The following DNM3 variants were observed in gnomAD, a reference collection of about 807,000 sequenced individuals.
The protein encoded by DNM3 is dynamin-3.
A neutral mutation model predicts 101.6 loss-of-function variants in DNM3; 47 were observed. The observed-to-expected ratio is 0.46, with a 90% confidence interval of 0.37 to 0.59. DNM3 has a LOEUF of 0.59. DNM3 is among the 20% of genes least tolerant of loss of function. The probability of loss-of-function intolerance (pLI) is 0.00; values close to 1 mark genes in which losing one functional copy is unlikely to be tolerated. For missense variants in DNM3, 849 were observed against 1,085.7 expected (o/e 0.78, Z 3.06); for synonymous variants, 385 against 387.9 (o/e 0.99, Z 0.09).
At chr1:171,967,969 C>T (rs2043708858) in intron 2 of DNM3, among the ~76,000 whole-genome samples, 1 of 152,078 alleles carries the variant, frequency 6.6e-6, no homozygotes, top group Non-Finnish European at 1.5e-5. Flanking sequence ...TTTTGTATGC[C>T]TTTTTCTCCT....
chr1:172,188,208 A>G (rs2059588347), intron 14 of DNM3, among the ~76,000 whole-genome samples: 1 of 152,106 alleles, frequency 6.6e-6, no homozygotes, highest in African/African-American at 2.4e-5. Context: ...TATTACTCCT[A>G]TTTCACAAGT....
At chr1:171,917,798 T>C (rs143557350) in intron 1 of DNM3, among the ~76,000 whole-genome samples, 1,783 of 152,332 alleles carry the variant, frequency 0.012, 20 homozygotes, top group Non-Finnish European at 0.02. Flanking sequence ...ATATGTAGTC[T>C]AAATCCAAAG....
chr1:171,994,287 T>C (rs566734771), intron 4 of DNM3, among the ~76,000 whole-genome samples: 3 of 152,310 alleles, frequency 2.0e-5, no homozygotes, highest in African/African-American at 7.2e-5. Flanking sequence ...GTGCTATTTA[T>C]TTGGTTACTA....
chr1:172,112,187 A>T (rs1021414022), intron 13 of DNM3, among the ~76,000 whole-genome samples: 3 of 152,258 alleles, frequency 2.0e-5, no homozygotes, highest in African/African-American at 7.2e-5. Flanking sequence ...CATTTCTTAC[A>T]TACCAGCCTT....
At chr1:172,014,439 T>C (rs2047315515) in intron 4 of DNM3, among the ~76,000 whole-genome samples, 3 of 152,202 alleles carry the variant, frequency 2.0e-5, no homozygotes, top group East Asian at 3.8e-4. Context: ...TTCCTGTTGC[T>C]CCACATCCTC....
At chr1:172,400,796 C>T (rs1330348465) in intron 20 of DNM3, among the ~76,000 whole-genome samples, 2 of 152,136 alleles carry the variant, frequency 1.3e-5, no homozygotes, top group Non-Finnish European at 2.9e-5. Context: ...AAGAATAAGA[C>T]AACCCTTGAT....
chr1:172,338,760 T>C (rs1252690304), intron 17 of DNM3: 1 of 467,942 alleles, frequency 2.1e-6, no homozygotes, highest in East Asian at 5.9e-5. Flanking sequence ...ACCATATCTC[T>C]TTGTACTTTT....
Position 172,338,967 on chromosome 1 carries a change from A to G in DNM3, c.1893+15627A>G, listed in dbSNP as rs115004908. 6.0e-3 allele frequency: 2,520 copies of G among 421,646 alleles called. 69 individuals are homozygous for G. Among genetic ancestry groups the G allele is most frequent in the African/African-American group, 0.048 (2,287 of 47,992 alleles). The allele number at this position is 421,646 out of a possible 1,614,324, so 26.1% of individuals were successfully genotyped here. On this transcript the variant is annotated intron_variant, in intron 17 of 20. Transcript: ENST00000627582. ...CATTCTTGCTTTTTAGAATTATTCT[A>G]CTAAATAATATTAACTTGTTCAAAG...
At chr1:172,330,793 A>G (rs1558005557) in intron 17 of DNM3, among the ~76,000 whole-genome samples, 1 of 152,204 alleles carries the variant, frequency 6.6e-6, no homozygotes, top group Non-Finnish European at 1.5e-5. Context: ...AATATGTACC[A>G]TAAAAGAAAT....
chr1:172,065,680 A>T (rs1203295686), intron 10 of DNM3, among the ~76,000 whole-genome samples: 1 of 152,116 alleles, frequency 6.6e-6, no homozygotes, highest in Non-Finnish European at 1.5e-5. Context: ...CAGGATTCAG[A>T]TAAGAGGGTG....
At chr1:171,883,332 G>A (rs1243014250) in intron 1 of DNM3, among the ~76,000 whole-genome samples, 1 of 150,072 alleles carries the variant, frequency 6.7e-6, no homozygotes, top group Non-Finnish European at 1.5e-5. Context: ...ACAACAGAGT[G>A]AGACTCCATC....
At chr1:172,267,416 T>C (rs2062906552) in intron 15 of DNM3, among the ~76,000 whole-genome samples, 1 of 152,132 alleles carries the variant, frequency 6.6e-6, no homozygotes, top group Non-Finnish European at 1.5e-5. Flanking sequence ...AAAATGGAAA[T>C]ACAGATTCAG....
chr1:172,010,826 AT>A (rs2047077348), intron 4 of DNM3, among the ~76,000 whole-genome samples: 1 of 150,764 alleles, frequency 6.6e-6, no homozygotes, highest in East Asian at 2.0e-4. Context: ...TTTATTTTAT[AT>A]TTTTAAGAAT....
In DNM3 at chr1:172,035,175, G is replaced by A. The variant is rs553550365; in HGVS notation, c.849+1910G>A. On this transcript the variant is annotated intron_variant, in intron 6 of 20. Coordinates refer to ENST00000627582, the MANE Select transcript of DNM3 (RefSeq NM_015569.5). The stretch of plus-strand genomic sequence containing the variant: ...ATGGGAGAGGTAGAGTCAAGGTTAC[G>A]TCTCAGGTTTCCAGATTCTTATGAA... 4.6e-5 allele frequency among the ~76,000 whole-genome samples: 7 copies of A among 152,226 alleles called. No homozygotes were observed. In the South Asian group the frequency reaches 1.0e-3, roughly 23 times the overall value.
chr1:171,952,062 C>T (rs2042562256), intron 2 of DNM3, among the ~76,000 whole-genome samples: 2 of 152,084 alleles, frequency 1.3e-5, no homozygotes, highest in African/African-American at 4.8e-5. Context: ...GAAAAATATT[C>T]TTGAATTAAG....
chr1:172,181,661 C>A (rs1422783705), intron 14 of DNM3, among the ~76,000 whole-genome samples: 3 of 152,050 alleles, frequency 2.0e-5, no homozygotes. Flanking sequence ...CAATTAATCT[C>A]ACAAATTTAT....
intron 1 of DNM3, among the ~76,000 whole-genome samples, chr1:171,897,592 AC>A (rs1373513812): frequency 2.0e-5 from 3 of 152,114 alleles, no homozygotes; most frequent in African/African-American, 7.2e-5. Context: ...TTTGTTGAAA[AC>A]CTAGATTAGT....
chr1:172,326,294 T>C (rs1469104818), intron 17 of DNM3, among the ~76,000 whole-genome samples: 1 of 152,186 alleles, frequency 6.6e-6, no homozygotes, highest in Non-Finnish European at 1.5e-5. Flanking sequence ...GAAAATGTTT[T>C]CGTGTTGGCA....
chr1:172,149,390 G>A (rs975933935), intron 14 of DNM3, among the ~76,000 whole-genome samples: 4 of 152,092 alleles, frequency 2.6e-5, no homozygotes, highest in East Asian at 1.9e-4. Context: ...GATACCAGTC[G>A]CAAGAAAGTA....
Sources: allele counts gnomAD v4.1 joint callset (sites outside exome capture counted in the v4.1 genomes callset), GRCh38; gene constraint gnomAD v4.1.1; transcripts MANE v1.5; gene names NCBI Gene and HGNC (gene_info 2026-07-23, HGNC 2026-07-21).